The following ATF7IP variants were observed in gnomAD, a reference collection of about 807,000 sequenced individuals.
ATF7IP encodes the protein activating transcription factor 7-interacting protein 1.
In ATF7IP, 23 loss-of-function variants were observed where a neutral mutation model predicts 106.4. The ratio of observed to expected loss-of-function variants is 0.22; its 90% CI spans 0.16 to 0.31. The LOEUF (loss-of-function observed/expected upper bound fraction) is 0.31, where lower values mean the gene tolerates loss of function less well. ATF7IP is among the 10% of genes least tolerant of loss of function. The probability of loss-of-function intolerance (pLI) is 1.00; values close to 1 mark genes in which losing one functional copy is unlikely to be tolerated. For missense variants in ATF7IP, 1,334 were observed against 1,524.3 expected (o/e 0.88, Z 2.08); for synonymous variants, 542 against 539.0 (o/e 1.01, Z -0.08).
At chr12:14,480,006 A>G (rs1944384146) in intron 12 of ATF7IP, among the ~76,000 whole-genome samples, 1 of 152,074 alleles carries the variant, frequency 6.6e-6, no homozygotes, top group Admixed American at 6.6e-5. Context: ...TAAAGAGATG[A>G]AAAAATAAAT....
chr12:14,449,237 T>C (rs183242355), intron 6 of ATF7IP, among the ~76,000 whole-genome samples: 2 of 152,278 alleles, frequency 1.3e-5, no homozygotes, highest in African/African-American at 4.8e-5. Context: ...GTCATGAAAC[T>C]TTTTCCGTAT....
chr12:14,494,403 A>G (rs1944942115), intron 13 of ATF7IP, among the ~76,000 whole-genome samples: 1 of 141,458 alleles, frequency 7.1e-6, no homozygotes, highest in South Asian at 2.2e-4. Context: ...TATACTATAT[A>G]TAAACTAATA....
At chr12:14,468,002 C>CA (rs1943894601) in intron 10 of ATF7IP, among the ~76,000 whole-genome samples, 1 of 152,002 alleles carries the variant, frequency 6.6e-6, no homozygotes, top group Non-Finnish European at 1.5e-5. Flanking sequence ...CATGGTGTCT[C>CA]ACACCTATAA....
At chr12:14,496,768 G>T (rs1439584072) in intron 14 of ATF7IP, among the ~76,000 whole-genome samples, 2 of 152,152 alleles carry the variant, frequency 1.3e-5, no homozygotes, top group Non-Finnish European at 2.9e-5. Flanking sequence ...TTAGTTAAGA[G>T]GTAACAGAGA....
At chr12:14,454,873 T>G (rs1214448810) in intron 6 of ATF7IP, among the ~76,000 whole-genome samples, 1 of 152,122 alleles carries the variant, frequency 6.6e-6, no homozygotes, top group Admixed American at 6.5e-5. Context: ...TTAACCATTT[T>G]GAGTGTAATA....
chr12:14,382,253 C>T (rs545467437), intron 1 of ATF7IP, among the ~76,000 whole-genome samples: 2 of 152,116 alleles, frequency 1.3e-5, no homozygotes, highest in Non-Finnish European at 2.9e-5. Context: ...AAAGATTAAA[C>T]ATTGGATAGT....
chr12:14,440,596 G>C (rs1387124233), intron 5 of ATF7IP, among the ~76,000 whole-genome samples: 1 of 151,662 alleles, frequency 6.6e-6, no homozygotes, highest in East Asian at 1.9e-4. Context: ...TTTGTGTCTT[G>C]TTCCAGTATT....
At chr12:14,453,991 G>A (rs554555159) in intron 6 of ATF7IP, among the ~76,000 whole-genome samples, 3 of 152,008 alleles carry the variant, frequency 2.0e-5, no homozygotes, top group African/African-American at 4.8e-5. Context: ...GTTACTTTAG[G>A]GTTGGTTTTT....
intron 13 of ATF7IP, among the ~76,000 whole-genome samples, chr12:14,493,441 C>T (rs1160269179): frequency 6.6e-6 from 1 of 152,144 alleles, no homozygotes; most frequent in Non-Finnish European, 1.5e-5. Context: ...TCAACATTGT[C>T]TTGCATGGCA....
chr12:14,419,942 A>G (rs1366939838), intron 1 of ATF7IP: 1 of 152,240 alleles, frequency 6.6e-6, no homozygotes, highest in East Asian at 1.9e-4. Flanking sequence ...AGAATGTATC[A>G]CAGTCTAGAA....
At chr12:14,491,710 C>T (rs917949885) in intron 13 of ATF7IP, among the ~76,000 whole-genome samples, 6 of 152,154 alleles carry the variant, frequency 3.9e-5, no homozygotes, top group African/African-American at 1.4e-4. Flanking sequence ...GCCTTATGGA[C>T]AGAAATGGAG....
In ATF7IP at chr12:14,375,692, T is replaced by C. The variant is rs545552963; in HGVS notation, c.-8+9865T>C. Among the ~76,000 whole-genome samples the C allele has an allele frequency of 1.2e-4, 18 of 152,318 alleles. 1 individual carries two copies. In the East Asian group the frequency reaches 3.5e-3, roughly 29 times the overall value. ...CTCTCAGTGTTCTTTATCTTTAAAA[T>C]GTGGTGTTACCACCTACATGGTAGT... is the stretch of plus-strand genomic sequence containing the variant. On this transcript the variant is annotated intron_variant, in intron 1 of 14. Transcript: ENST00000261168.
intron 1 of ATF7IP, among the ~76,000 whole-genome samples, chr12:14,397,996 CTT>C (rs1939947843): frequency 1.3e-5 from 2 of 152,092 alleles, no homozygotes; most frequent in Non-Finnish European, 2.9e-5. Context: ...CATTGATAAA[CTT>C]TAACATACTT....
chr12:14,479,359 A>G (rs890020488), intron 12 of ATF7IP, among the ~76,000 whole-genome samples: 2 of 152,210 alleles, frequency 1.3e-5, no homozygotes, highest in African/African-American at 4.8e-5. Flanking sequence ...TGTAAATTCA[A>G]AATTTTCAAG....
intron 13 of ATF7IP, among the ~76,000 whole-genome samples, chr12:14,490,298 A>G (rs1357490532): frequency 3.3e-5 from 5 of 152,212 alleles, no homozygotes. Context: ...GAGCATTCAC[A>G]GGGGATACAA....
intron 14 of ATF7IP, among the ~76,000 whole-genome samples, 159 bp from the exon 15 acceptor site, chr12:14,497,495 C>A (rs1945047203): frequency 6.6e-6 from 1 of 152,118 alleles, no homozygotes; most frequent in Admixed American, 6.5e-5. Context: ...TACAAAACCC[C>A]AAATAGAACT....
At chr12:14,373,444 C>A (rs1938609960) in intron 1 of ATF7IP, among the ~76,000 whole-genome samples, 2 of 152,226 alleles carry the variant, frequency 1.3e-5, no homozygotes, top group African/African-American at 4.8e-5. Context: ...GAAGAAAGAA[C>A]AATGGGAGTG....
intron 1 of ATF7IP, among the ~76,000 whole-genome samples, chr12:14,386,019 T>G (rs1939222044): frequency 6.6e-6 from 1 of 152,178 alleles, no homozygotes. Flanking sequence ...TTGCTTAAGT[T>G]GGCATTCAGA....
intron 1 of ATF7IP, among the ~76,000 whole-genome samples, chr12:14,396,998 TAA>T (rs1417409574): frequency 6.6e-6 from 1 of 152,012 alleles, no homozygotes; most frequent in Non-Finnish European, 1.5e-5. Context: ...CCGTTTCTAC[TAA>T]AAATACAAAA....
Sources: gnomAD v4.1 joint callset for allele counts (sites outside exome capture counted in the v4.1 genomes callset) on GRCh38, gnomAD v4.1.1 for gene constraint, MANE v1.5 for transcripts, NCBI Gene and HGNC (gene_info 2026-07-23, HGNC 2026-07-21) for gene names.